The following SLC44A5 variants were observed in gnomAD, a reference collection of about 807,000 sequenced individuals.
SLC44A5 encodes solute carrier family 44 member 5.
A neutral mutation model predicts 101.8 loss-of-function variants in SLC44A5; 57 were observed. The observed-to-expected ratio is 0.56, with a 90% CI of 0.45 to 0.70. The LOEUF is 0.70. Ranked by LOEUF, SLC44A5 falls within the 30% of genes least tolerant of loss-of-function variation. The pLI, the probability that SLC44A5 is intolerant of heterozygous loss-of-function variation, is 0.00. For synonymous variants in SLC44A5, 281 were observed against 290.9 expected, an observed-to-expected ratio of 0.97 and a Z score of 0.35; for missense variants, 737 against 853.1, an observed-to-expected ratio of 0.86 and a Z score of 1.70.
intron 2 of SLC44A5, among the ~76,000 whole-genome samples, chr1:75,399,742 G>A (rs1008212761): frequency 1.3e-5 from 2 of 151,998 alleles, no homozygotes; most frequent in Admixed American, 6.6e-5. Context: ...ATATAAGAAC[G>A]GTTTTATCAG....
At chr1:75,360,622 T>A (rs778327584) in intron 3 of SLC44A5, among the ~76,000 whole-genome samples, 12 of 152,214 alleles carry the variant, frequency 7.9e-5, no homozygotes, top group Non-Finnish European at 1.5e-4. Context: ...TGAATGTAAA[T>A]GTGTGAGTTT....
chr1:75,457,823 C>A (rs1373513287), intron 2 of SLC44A5, among the ~76,000 whole-genome samples: 1 of 151,760 alleles, frequency 6.6e-6, no homozygotes, highest in African/African-American at 2.4e-5. Flanking sequence ...CACCACTGCA[C>A]TCCAGCCTGG....
intron 6 of SLC44A5, among the ~76,000 whole-genome samples, chr1:75,254,775 A>G (rs538180635): frequency 6.6e-6 from 1 of 152,290 alleles, no homozygotes; most frequent in South Asian, 2.1e-4. Context: ...TGAGAAATGT[A>G]GCCAAAGCAG....
At chr1:75,692,185 C>CTTTTTTTTT in the SLC44A5 span, among the ~76,000 whole-genome samples, 2 of 84,764 alleles carry the variant, frequency 2.4e-5, no homozygotes, top group Non-Finnish European at 4.3e-5. Flanking sequence ...AGATGGGATT[C>CTTTTTTTTT]TTTTTTTTTT....
intron 7 of SLC44A5, among the ~76,000 whole-genome samples, chr1:75,246,920 T>C (rs548338415): frequency 3.3e-5 from 5 of 152,146 alleles, no homozygotes; most frequent in African/African-American, 1.2e-4. Flanking sequence ...GAATAGGATA[T>C]GTGGTCAGAG....
At chr1:75,334,834 C>T (rs541170278) in intron 4 of SLC44A5, among the ~76,000 whole-genome samples, 2 of 152,260 alleles carry the variant, frequency 1.3e-5, no homozygotes, top group South Asian at 4.1e-4. Flanking sequence ...GTGGAAAATT[C>T]TCTCTTCTGA....
At chr1:75,373,246 A>T (rs1230588339) in intron 3 of SLC44A5, among the ~76,000 whole-genome samples, 2 of 152,128 alleles carry the variant, frequency 1.3e-5, no homozygotes, top group African/African-American at 4.8e-5. Context: ...ATCGATAGGG[A>T]GGTGACAGAC....
At chr1:75,698,596 C>T in the SLC44A5 span, among the ~76,000 whole-genome samples, 1 of 152,244 alleles carries the variant, frequency 6.6e-6, no homozygotes, top group African/African-American at 2.4e-5. Flanking sequence ...AGCAGAGCGT[C>T]TCTCCTCCTC....
At chr1:75,664,987 G>A in the SLC44A5 span, among the ~76,000 whole-genome samples, 12 of 150,526 alleles carry the variant, frequency 8.0e-5, no homozygotes, top group East Asian at 1.9e-4. Context: ...AACATTATAC[G>A]TTTATAGATG....
At chr1:75,591,727 C>T (rs575168545) in intron 1 of SLC44A5, among the ~76,000 whole-genome samples, 6 of 151,754 alleles carry the variant, frequency 4.0e-5, no homozygotes, top group African/African-American at 1.2e-4. Context: ...TCAACATATG[C>T]AAATCAAGCA....
chr1:75,590,644 G>A (rs1674295322), intron 1 of SLC44A5, among the ~76,000 whole-genome samples: 1 of 152,178 alleles, frequency 6.6e-6, no homozygotes. Flanking sequence ...GGGCCTTAAG[G>A]GAACATGGCT....
In SLC44A5 at chr1:75,218,100, G is replaced by C. The variant is rs191028032; in HGVS notation, c.1530-140C>G. 5.7e-5 allele frequency: 37 copies of C among 644,564 alleles called. No homozygotes were observed. In the African/African-American group the frequency reaches 5.9e-4, roughly 10 times the overall value. 39.9% of individuals were successfully genotyped at this position (644,564 alleles called of 1,614,324 possible). ...ACTTTTGCACTCTCTTATTTAGATT[G>C]ATAAAAGTCTCTATAGAGGATTTTA... On this transcript the variant is annotated intron_variant, in intron 17 of 23. Coordinates refer to ENST00000370859, the MANE Select transcript of SLC44A5 (RefSeq NM_001130058.2).
intron 4 of SLC44A5, among the ~76,000 whole-genome samples, chr1:75,337,125 CT>C (rs1238477252): frequency 2.7e-5 from 4 of 149,626 alleles, no homozygotes; most frequent in Non-Finnish European, 6.0e-5. Flanking sequence ...TACTCAGCCC[CT>C]TTTGAAGTTC....
chr1:75,311,688 C>G, intron 4 of SLC44A5: 1 of 320,876 alleles, frequency 3.1e-6, no homozygotes, highest in Non-Finnish European at 4.5e-6. Context: ...CTTTCTCTCA[C>G]GGAGTTCCCA....
At chr1:75,349,672 C>T (rs1658498207) in intron 3 of SLC44A5, among the ~76,000 whole-genome samples, 3 of 151,930 alleles carry the variant, frequency 2.0e-5, no homozygotes, top group South Asian at 4.2e-4. Flanking sequence ...GAGTGAAGAA[C>T]TATGGAGAAA....
chr1:75,653,127 T>C, the SLC44A5 span, among the ~76,000 whole-genome samples: 1 of 152,170 alleles, frequency 6.6e-6, no homozygotes, highest in East Asian at 1.9e-4. Flanking sequence ...TTAATATCTA[T>C]GCAAATAAAC....
intron 3 of SLC44A5, among the ~76,000 whole-genome samples, chr1:75,380,103 GACA>G (rs1328087215): frequency 1.2e-5 from 1 of 81,836 alleles, no homozygotes; most frequent in Non-Finnish European, 2.1e-5. Context: ...GGTTTTCAGG[GACA>G]ACAACCCCCA....
intron 4 of SLC44A5, among the ~76,000 whole-genome samples, chr1:75,302,102 T>C (rs528510346): frequency 8.3e-4 from 105 of 126,498 alleles, no homozygotes; most frequent in Non-Finnish European, 1.6e-3. Flanking sequence ...GCAGGTGCTC[T>C]AGTTTTTTTG....
At chr1:75,441,009 G>T (rs1281324602) in intron 2 of SLC44A5, among the ~76,000 whole-genome samples, 1 of 151,706 alleles carries the variant, frequency 6.6e-6, no homozygotes, top group Non-Finnish European at 1.5e-5. Context: ...AATAAAAAAT[G>T]ATAGAATTAA....
Sources: allele counts gnomAD v4.1 joint callset (sites outside exome capture counted in the v4.1 genomes callset), GRCh38; gene constraint gnomAD v4.1.1; transcripts MANE v1.5; gene names NCBI Gene and HGNC (gene_info 2026-07-23, HGNC 2026-07-21).